ZFPM1: variants seen among roughly 807,000 people sequenced by gnomAD.
The protein encoded by ZFPM1 is zinc finger protein ZFPM1.
A neutral mutation model predicts 46.3 loss-of-function variants in ZFPM1; 28 were observed. That is an observed-to-expected ratio of 0.60 (90% confidence interval 0.45 to 0.83). The LOEUF (loss-of-function observed/expected upper bound fraction) is 0.83. Ranked by LOEUF, ZFPM1 falls within the 40% of genes least tolerant of loss-of-function variation. The probability of loss-of-function intolerance (pLI) is 0.00; values close to 1 mark genes in which losing one functional copy is unlikely to be tolerated. For synonymous variants in ZFPM1, 957 were observed against 675.9 expected (o/e 1.42, Z -6.45); for missense variants, 1,878 against 1,432.4 (o/e 1.31, Z -5.02).
At position 88,533,388 on chromosome 16, in the gene ZFPM1, GC is replaced by G; in HGVS notation, c.1434del (p.Gly479GlufsTer319). ...VEEPEAAPILGPGEPGPQAPS... is the reference protein window; with the variant it reads ...VEEPEAAPILXPGEPGPQAPS... ...GAGCCGGAGGCGGCCCCCATCCTGG[GC>G]CCCGGAGAGCCTGGGCCCCAGGCCC... On this transcript the variant is annotated frameshift_variant, in exon 10 of 10. Transcript: ENST00000319555. LOFTEE classifies it low-confidence loss of function (END_TRUNC). 6.6e-7 allele frequency: 1 copy of G among 1,523,442 alleles called. No individual in the cohort carries two copies. 94.4% of individuals were successfully genotyped at this position (1,523,442 alleles called of 1,614,324 possible).
At chr16:88,513,048 G>A (rs1004121569) in intron 3 of ZFPM1, 1 of 152,286 alleles carries the variant, frequency 6.6e-6, no homozygotes. Flanking sequence ...GCTGGCCCGT[G>A]TGACTGTGAT....
chr16:88,523,815 C>A (rs868544954), intron 4 of ZFPM1, among the ~76,000 whole-genome samples: 2 of 152,196 alleles, frequency 1.3e-5, no homozygotes, highest in African/African-American at 2.4e-5. Context: ...GGGCGGGTGC[C>A]GGATGGGAGC....
chr16:88,493,607 C>T (rs1352744989), intron 3 of ZFPM1, among the ~76,000 whole-genome samples: 1 of 149,392 alleles, frequency 6.7e-6, no homozygotes, highest in African/African-American at 2.5e-5. Flanking sequence ...GTAGGGAGAG[C>T]TGTCCCGGGG....
intron 3 of ZFPM1, among the ~76,000 whole-genome samples, chr16:88,510,900 G>A (rs1910920554): frequency 6.6e-6 from 1 of 152,250 alleles, no homozygotes; most frequent in Admixed American, 6.5e-5. Flanking sequence ...CACAAGTCCT[G>A]CTGGGCCTGG....
chr16:88,507,327 C>A (rs922947511), intron 3 of ZFPM1, among the ~76,000 whole-genome samples: 1 of 152,218 alleles, frequency 6.6e-6, no homozygotes, highest in Non-Finnish European at 1.5e-5. Flanking sequence ...GCCTCCAGAG[C>A]TCAGAGATGG....
chr16:88,529,938 CCA>C (rs1473139892), intron 6 of ZFPM1, among the ~76,000 whole-genome samples: 2 of 152,114 alleles, frequency 1.3e-5, no homozygotes, highest in African/African-American at 4.8e-5. Flanking sequence ...GCGGCCAGGT[CCA>C]CACCTAAGCC....
intron 5 of ZFPM1, among the ~76,000 whole-genome samples, chr16:88,527,246 C>G (rs1029703138): frequency 3.3e-5 from 5 of 152,210 alleles, no homozygotes; most frequent in Non-Finnish European, 5.9e-5. Flanking sequence ...GGGAACCCAC[C>G]AAGGGCAGCA....
At chr16:88,531,163 C>T (rs1318675453) in intron 6 of ZFPM1, 1 of 152,266 alleles carries the variant, frequency 6.6e-6, no homozygotes, top group African/African-American at 2.4e-5. Flanking sequence ...CTGGGTTCCA[C>T]ACGGAGGCCA....
rs1404046920 is a variant in ZFPM1 at position 88,534,655 on chromosome 16, C to A, written c.2697C>A (p.Gly899=). 9.9e-7 allele frequency: 1 copy of A among 1,012,870 alleles called. No homozygotes were observed. Among genetic ancestry groups the A allele is most frequent in the Non-Finnish European group, 1.2e-6 (1 of 850,240 alleles). The allele number at this position is 1,012,870 out of a possible 1,614,324, so 62.7% of individuals were successfully genotyped here. Residue 899 remains glycine, a synonymous_variant, in exon 10 of 10, where the codon GGC becomes GGA. Transcript: ENST00000319555. ...GVEARTPADR[G]PSPAPAPAAS... is the part of the protein sequence containing the mutation. ...AGGCCCGGACGCCGGCCGACCGCGG[C>A]CCCTCGCCCGCTCCCGCCCCCGCCG... is the stretch of plus-strand genomic sequence containing the variant.
chr16:88,454,222 G>A (rs1161737153), intron 1 of ZFPM1, among the ~76,000 whole-genome samples: 1 of 152,126 alleles, frequency 6.6e-6, no homozygotes. Flanking sequence ...GCACCGGCCC[G>A]CGCCCACCCC....
chr16:88,476,722 G>A (rs1423394744), intron 1 of ZFPM1, among the ~76,000 whole-genome samples: 1 of 152,216 alleles, frequency 6.6e-6, no homozygotes, highest in Admixed American at 6.5e-5. Flanking sequence ...CACACAGCAA[G>A]TGTGTTGTGG....
intron 4 of ZFPM1, among the ~76,000 whole-genome samples, chr16:88,521,091 G>C (rs960238474): frequency 7.2e-5 from 10 of 138,764 alleles, no homozygotes; most frequent in Non-Finnish European, 1.6e-5. Context: ...GATTAGGTGG[G>C]TGGGTGGATG....
chr16:88,512,863 C>CACTG (rs1436952207), intron 3 of ZFPM1: 1 of 152,212 alleles, frequency 6.6e-6, no homozygotes, highest in East Asian at 1.9e-4. Context: ...GGCCCCCCAC[C>CACTG]ACTGTCACAC....
In ZFPM1 at chr16:88,534,841, C is replaced by T. The variant is rs1213019466; in HGVS notation, c.2883C>T (p.Ser961=). ...CGGACAAGGGCGTCCAGACTCCCAG[C>T]AAGGGCACGCCGGCGCCGCTGCCCA... ...SYSDKGVQTP[S]KGTPAPLPNG... The change falls in exon 10 of 10, where the codon AGC becomes AGT. Residue 961 remains serine (S), a synonymous_variant. Transcript: ENST00000319555. 1.9e-6 allele frequency: 3 copies of T among 1,556,606 alleles called. No individual in the cohort carries two copies. The highest frequency in any genetic ancestry group is 2.6e-5 in the East Asian group (1 of 38,978).
At position 88,477,100 on chromosome 16, in the gene ZFPM1, T is replaced by C. The variant is rs552035308; in HGVS notation, c.41-8839T>C. ...GAGTTCTGGTCTCTGCCAGCCCGGC[T>C]TCCCTGCCTTCCATGAGGAAATTGG... On this transcript the variant is annotated intron_variant, in intron 1 of 9. Coordinates refer to ENST00000319555, the MANE Select transcript of ZFPM1 (RefSeq NM_153813.3). 2.6e-5 allele frequency among the ~76,000 whole-genome samples: 4 copies of C among 152,332 alleles called. No homozygotes were observed. The South Asian group carries it at 8.3e-4, about 32-fold the overall frequency.
At chr16:88,472,716 G>T (rs1567529754) in intron 1 of ZFPM1, among the ~76,000 whole-genome samples, 1 of 152,210 alleles carries the variant, frequency 6.6e-6, no homozygotes, top group Non-Finnish European at 1.5e-5. Flanking sequence ...CCTTTCCCGT[G>T]TACAGCTCAG....
chr16:88,493,119 G>T (rs531768625), intron 3 of ZFPM1, among the ~76,000 whole-genome samples: 12 of 102,766 alleles, frequency 1.2e-4, no homozygotes, highest in South Asian at 2.7e-4. Context: ...GTCCCGGGGT[G>T]GGGGGAGCTG....
At chr16:88,499,641 G>C (rs2142397190) in intron 3 of ZFPM1, among the ~76,000 whole-genome samples, 1 of 152,360 alleles carries the variant, frequency 6.6e-6, no homozygotes, top group South Asian at 2.1e-4. Context: ...GCTGGGTGGA[G>C]GACGGCTCAG....
At chr16:88,493,346 C>CCTGTCCCGGGGTGGGGAGAG (rs1567537607) in intron 3 of ZFPM1, among the ~76,000 whole-genome samples, 11 of 47,584 alleles carry the variant, frequency 2.3e-4, no homozygotes, top group Non-Finnish European at 2.8e-4. Flanking sequence ...GGTGGGGAGA[C>CCTGTCCCGGGGTGGGGAGAG]CTGTCCCGGG....
Sources: gnomAD v4.1 joint callset for allele counts (sites outside exome capture counted in the v4.1 genomes callset) on GRCh38, gnomAD v4.1.1 for gene constraint, MANE v1.5 for transcripts, NCBI Gene and HGNC (gene_info 2026-07-23, HGNC 2026-07-21) for gene names.